GALNT13: variants seen among roughly 807,000 people sequenced by gnomAD.
The protein encoded by GALNT13 is UDP-GalNAc:polypeptide N-acetylgalactosaminyltransferase 13.
Under a neutral mutation model 64.2 loss-of-function variants are expected in GALNT13, and 28 were observed. The ratio of observed to expected loss-of-function variants is 0.44; its 90% CI spans 0.32 to 0.60. The LOEUF is 0.60. Ranked by LOEUF, GALNT13 falls within the 20% of genes least tolerant of loss-of-function variation. The pLI is 0.05. For synonymous variants in GALNT13, 214 were observed against 224.6 expected (o/e 0.95, Z 0.42); for missense variants, 577 against 669.8 (o/e 0.86, Z 1.53).
At chr2:154,091,257 T>G (rs1401768325) in intron 3 of GALNT13, among the ~76,000 whole-genome samples, 2 of 152,032 alleles carry the variant, frequency 1.3e-5, no homozygotes, top group Non-Finnish European at 2.9e-5. Flanking sequence ...TTTTAATGTG[T>G]ATAAATTTAT....
At chr2:154,326,458 G>T (rs1694879271) in intron 9 of GALNT13, among the ~76,000 whole-genome samples, 1 of 151,908 alleles carries the variant, frequency 6.6e-6, no homozygotes, top group Non-Finnish European at 1.5e-5. Context: ...ACTTGTTGAT[G>T]TGAAATCCAA....
At chr2:153,488,897 T>C in the GALNT13 span, among the ~76,000 whole-genome samples, 8 of 152,212 alleles carry the variant, frequency 5.3e-5, no homozygotes, top group Non-Finnish European at 1.2e-4. Context: ...GAAGGGAGTT[T>C]GTCCTCTCTT....
the GALNT13 span, among the ~76,000 whole-genome samples, chr2:153,520,400 C>T: frequency 3.9e-5 from 6 of 152,196 alleles, no homozygotes; most frequent in African/African-American, 1.4e-4. Context: ...GACCAAAGAA[C>T]ACAGATATCT....
the GALNT13 span, among the ~76,000 whole-genome samples, chr2:153,507,695 G>T: frequency 6.6e-6 from 1 of 152,132 alleles, no homozygotes; most frequent in African/African-American, 2.4e-5. Flanking sequence ...TCTTGGTTTG[G>T]ATTCATTGCT....
the GALNT13 span, among the ~76,000 whole-genome samples, chr2:153,466,281 G>T: frequency 6.6e-6 from 1 of 151,974 alleles, no homozygotes; most frequent in Non-Finnish European, 1.5e-5. Context: ...ACTTCGGGTT[G>T]TACTAAATAA....
At chr2:153,514,341 T>G in the GALNT13 span, among the ~76,000 whole-genome samples, 1 of 152,236 alleles carries the variant, frequency 6.6e-6, no homozygotes, top group Non-Finnish European at 1.5e-5. Flanking sequence ...TACTTCATCT[T>G]CCTGCTTCAT....
the GALNT13 span, among the ~76,000 whole-genome samples, chr2:153,470,942 T>C: frequency 6.6e-6 from 1 of 152,176 alleles, no homozygotes; most frequent in Non-Finnish European, 1.5e-5. Context: ...AAATTATAAG[T>C]AGCCTCGAGA....
chr2:153,248,573 G>C, the GALNT13 span, among the ~76,000 whole-genome samples: 36 of 152,062 alleles, frequency 2.4e-4, no homozygotes, highest in Admixed American at 9.8e-4. Context: ...CAGCACTTTG[G>C]GAGGCTGAGG....
At chr2:153,417,210 G>T in the GALNT13 span, among the ~76,000 whole-genome samples, 15 of 152,168 alleles carry the variant, frequency 9.9e-5, no homozygotes, top group Admixed American at 9.8e-4. Context: ...TGAAAAGGAG[G>T]TGGGTAGGGC....
intron 2 of GALNT13, among the ~76,000 whole-genome samples, chr2:153,910,793 G>C (rs1688886933): frequency 6.6e-6 from 1 of 152,214 alleles, no homozygotes; most frequent in South Asian, 2.1e-4. Context: ...TGAGAGAGTA[G>C]TTGCTATGAT....
chr2:153,362,110 C>T, the GALNT13 span, among the ~76,000 whole-genome samples: 1 of 152,112 alleles, frequency 6.6e-6, no homozygotes, highest in Non-Finnish European at 1.5e-5. Flanking sequence ...AATTTTATAT[C>T]CCGTCAAACT....
chr2:154,413,186 T>C (rs1699865974), intron 11 of GALNT13, among the ~76,000 whole-genome samples: 1 of 151,888 alleles, frequency 6.6e-6, no homozygotes, highest in African/African-American at 2.4e-5. Flanking sequence ...ATCGTTAATG[T>C]CTGCAGACAT....
chr2:154,303,059 T>A (rs1433723365), intron 9 of GALNT13, among the ~76,000 whole-genome samples: 1 of 152,168 alleles, frequency 6.6e-6, no homozygotes, highest in Non-Finnish European at 1.5e-5. Flanking sequence ...AGAATGAGAT[T>A]GGCAATGAAG....
chr2:153,851,000 A>G, the GALNT13 span, among the ~76,000 whole-genome samples: 2 of 152,184 alleles, frequency 1.3e-5, no homozygotes, highest in African/African-American at 2.4e-5. Context: ...GGTGACAAAG[A>G]AAATGTTGAA....
At chr2:153,586,740 A>T in the GALNT13 span, among the ~76,000 whole-genome samples, 1 of 151,770 alleles carries the variant, frequency 6.6e-6, no homozygotes, top group African/African-American at 2.4e-5. Context: ...CACTTTTCTC[A>T]TCAGTGCATG....
At chr2:153,308,631 T>C in the GALNT13 span, among the ~76,000 whole-genome samples, 9 of 152,198 alleles carry the variant, frequency 5.9e-5, no homozygotes, top group Non-Finnish European at 8.8e-5. Flanking sequence ...TTGTTCTAAA[T>C]TCTGAATGTA....
the GALNT13 span, among the ~76,000 whole-genome samples, chr2:153,344,847 T>C: frequency 6.6e-6 from 1 of 152,204 alleles, no homozygotes; most frequent in Non-Finnish European, 1.5e-5. Flanking sequence ...TATCAAAGCA[T>C]CAAGTTATAC....
chr2:154,085,372 C>A (rs934565794), intron 3 of GALNT13, among the ~76,000 whole-genome samples: 21 of 151,840 alleles, frequency 1.4e-4, no homozygotes, highest in African/African-American at 4.8e-4. Context: ...TTCATGGAAA[C>A]CATTGTGGTT....
the GALNT13 span, among the ~76,000 whole-genome samples, chr2:153,526,456 T>TGGC: frequency 6.6e-6 from 1 of 152,194 alleles, no homozygotes; most frequent in African/African-American, 2.4e-5. Flanking sequence ...ACCATCAAGG[T>TGGC]GGCACCTCAA....
Sources: allele counts gnomAD v4.1 joint callset (sites outside exome capture counted in the v4.1 genomes callset), GRCh38; gene constraint gnomAD v4.1.1; transcripts MANE v1.5; gene names NCBI Gene and HGNC (gene_info 2026-07-23, HGNC 2026-07-21).